BCO2: variants seen among roughly 807,000 people sequenced by gnomAD.
The protein encoded by BCO2 is beta-carotene oxygenase 2, also known as carotenoid-cleaving dioxygenase, mitochondrial.
A neutral mutation model predicts 65.8 loss-of-function variants in BCO2; 56 were observed. The ratio of observed to expected loss-of-function variants is 0.85; its 90% CI spans 0.69 to 1.06. The LOEUF (loss-of-function observed/expected upper bound fraction) is 1.06. BCO2 is among the 50% of genes least tolerant of loss of function. The probability of loss-of-function intolerance (pLI) is 0.00; values close to 1 mark genes in which losing one functional copy is unlikely to be tolerated. For synonymous variants in BCO2, 233 were observed against 242.3 expected (o/e 0.96, Z 0.36); for missense variants, 675 against 698.5 (o/e 0.97, Z 0.38).
chr11:112,215,230 C>A, intron 10 of BCO2: 1 of 391,754 alleles, frequency 2.6e-6, no homozygotes. Context: ...AAGTTGATGG[C>A]AAATTATAGT....
intron 8 of BCO2, 77 bp downstream of exon 8, chr11:112,202,267 G>C: frequency 7.7e-7 from 1 of 1,305,618 alleles, no homozygotes; most frequent in Non-Finnish European, 1.1e-6. Flanking sequence ...GGAATTACAT[G>C]TTTCTCTCTC....
At chr11:112,194,314 A>C in intron 4 of BCO2, 1 of 408,464 alleles carries the variant, frequency 2.4e-6, no homozygotes, top group Non-Finnish European at 4.4e-6. Flanking sequence ...GGTTGTCTAT[A>C]CCTGTATTTC....
In BCO2 at chr11:112,175,688, A is replaced by G. The variant is rs1017741909; in HGVS notation, c.87A>G (p.Pro29=). 7.4e-6 allele frequency: 12 copies of G among 1,611,980 alleles called. No individual in the cohort carries two copies. Among genetic ancestry groups the G allele is most frequent in the Non-Finnish European group, 9.3e-6 (11 of 1,178,168 alleles). The change falls in exon 1 of 12, where the codon CCA becomes CCG. Residue 29 remains proline, a splice_region_variant and synonymous_variant. Transcript: ENST00000357685. ...DFLPVMVHRL[P]VFKRYMGNTP... ...TTCCTGTGATGGTGCACCGGCTCCC[A>G]GGTAGAGGGTTTGCCCCTTTCTCTT...
rs1566789750 is a variant in BCO2 at position 112,202,226 on chromosome 11, A to C, written c.1194+36A>C. ...GAATTTGTCAAGAGTCATCAAAATA[A>C]TTTTGAACTCCAAGATCTGGCTTTG... is the stretch of plus-strand genomic sequence containing the variant. On this transcript the variant is annotated intron_variant, in intron 8 of 11. Coordinates refer to ENST00000357685, the MANE Select transcript of BCO2 (RefSeq NM_031938.7). 3 of 1,563,548 alleles carry C rather than the reference A, an allele frequency of 1.9e-6. No individual in the cohort carries two copies. In the South Asian group the frequency reaches 3.5e-5, roughly 18 times the overall value.
intron 5 of BCO2, among the ~76,000 whole-genome samples, chr11:112,197,496 C>A (rs11214126): frequency 6.6e-6 from 1 of 150,892 alleles, no homozygotes; most frequent in Non-Finnish European, 1.5e-5. Flanking sequence ...TGCAGTGAGT[C>A]GTGACTGCAC....
In BCO2 at chr11:112,194,691, T is replaced by G. The variant is rs1344339729; in HGVS notation, c.672T>G (p.Thr224=). Residue 224 remains threonine, a synonymous_variant, in exon 5 of 12, where the codon ACT becomes ACG. Coordinates refer to ENST00000357685, the MANE Select transcript of BCO2 (RefSeq NM_031938.7). ...WSKFIAVNGA[T]AHPHYDLDGT... is the part of the protein sequence containing the mutation. Reference sequence around the variant, plus strand: ...AATTTATTGCTGTGAATGGAGCAACTGCACATCCTCATTATGACCTGGATG... The same window carrying G: ...AATTTATTGCTGTGAATGGAGCAACGGCACATCCTCATTATGACCTGGATG... 6.2e-7 allele frequency: 1 copy of G among 1,613,512 alleles called. No homozygotes were observed.
At chr11:112,212,763 A>T (rs1417482962) in intron 8 of BCO2, among the ~76,000 whole-genome samples, 1 of 152,224 alleles carries the variant, frequency 6.6e-6, no homozygotes, top group Non-Finnish European at 1.5e-5. Flanking sequence ...CCCCTACATG[A>T]TGACCCTCAG....
At chr11:112,216,136 A>C (rs955069889) in intron 10 of BCO2, 84 bp from the exon 11 acceptor site, 1 of 910,570 alleles carries the variant, frequency 1.1e-6, no homozygotes, top group Admixed American at 1.9e-5. Flanking sequence ...TCACAGCCAA[A>C]TTCATGCTTG....
chr11:112,188,922 C>T (rs1052851722), intron 2 of BCO2, among the ~76,000 whole-genome samples: 4 of 152,074 alleles, frequency 2.6e-5, no homozygotes, highest in African/African-American at 9.7e-5. Context: ...TCTCTTGAGA[C>T]ACAATCTAAC....
intron 5 of BCO2, among the ~76,000 whole-genome samples, chr11:112,198,507 TAAAC>T (rs1566785359): frequency 1.3e-5 from 2 of 151,918 alleles, no homozygotes; most frequent in African/African-American, 2.4e-5. Context: ...GGAAAGCAGA[TAAAC>T]AAGCAGAAAA....
chr11:112,193,833 C>T (rs1428114768), intron 3 of BCO2, 46 bp from the exon 4 acceptor site: 2 of 1,465,400 alleles, frequency 1.4e-6, no homozygotes, highest in Non-Finnish European at 1.9e-6. Context: ...TTAGCGTCGT[C>T]TACAGTAAGC....
rs1404576614 is a variant in BCO2, at chr11:112,200,748, A to C, written c.1001A>C (p.His334Pro). 6.2e-7 allele frequency: 1 copy of C among 1,613,828 alleles called. No homozygotes were observed. Among genetic ancestry groups the C allele is most frequent in the East Asian group, 2.2e-5 (1 of 44,876 alleles). ...GAACCCCAGTGTAATACGCGGTTTC[A>C]TGTGGTGGAAAAACGCACTGGACAG... Reference protein sequence around the residue: ...SWEPQCNTRFHVVEKRTGQLL... With the variant: ...SWEPQCNTRFPVVEKRTGQLL... The change falls in exon 7 of 12, where the codon CAT becomes CCT. Residue 334 changes from histidine (H) to proline (P), a missense_variant. Physicochemically the swap from His to Pro is moderately conservative, Grantham distance 77. Coordinates refer to ENST00000357685, the MANE Select transcript of BCO2 (RefSeq NM_031938.7).
At chr11:112,190,233 A>G (rs1849230855) in intron 2 of BCO2, among the ~76,000 whole-genome samples, 1 of 152,166 alleles carries the variant, frequency 6.6e-6, no homozygotes, top group Non-Finnish European at 1.5e-5. Context: ...GCAGTGAGCT[A>G]TGACAGTGCC....
At chr11:112,189,138 C>G (rs2135361573) in intron 2 of BCO2, among the ~76,000 whole-genome samples, 1 of 152,226 alleles carries the variant, frequency 6.6e-6, no homozygotes, top group East Asian at 1.9e-4. Flanking sequence ...GGCCTTTATG[C>G]AAATACATTT....
At position 112,218,608 on chromosome 11, in the gene BCO2, G is replaced by T; in HGVS notation, c.*734G>T. On this transcript the variant is annotated 3_prime_UTR_variant, in exon 12 of 12. Coordinates refer to ENST00000357685, the MANE Select transcript of BCO2 (RefSeq NM_031938.7). Reference sequence around the variant, plus strand: ...GGAATGGGTAGGCCTCTGTAAAACTGAGAGGGAAACCCCCGAAAAGTGGTT... The same window carrying T: ...GGAATGGGTAGGCCTCTGTAAAACTTAGAGGGAAACCCCCGAAAAGTGGTT... 1 of 218,544 alleles carries T rather than the reference G, an allele frequency of 4.6e-6. No individual in the cohort carries two copies. The highest frequency in any genetic ancestry group is 7.7e-5 in the South Asian group (1 of 12,928). The allele number at this position is 218,544 out of a possible 1,614,324, so 13.5% of individuals were successfully genotyped here.
At chr11:112,201,390 C>T (rs1435673081) in intron 7 of BCO2, among the ~76,000 whole-genome samples, 3 of 152,078 alleles carry the variant, frequency 2.0e-5, no homozygotes, top group Admixed American at 1.3e-4. Context: ...CCTCGTGATC[C>T]ACCTGCCTCA....
At chr11:112,181,629 A>T in intron 2 of BCO2, 1 of 796,994 alleles carries the variant, frequency 1.3e-6, no homozygotes, top group Non-Finnish European at 2.3e-6. Context: ...TGAACACCTA[A>T]AAGTGGCAAT....
chr11:112,201,751 A>G (rs1006543380), intron 7 of BCO2, among the ~76,000 whole-genome samples: 2 of 152,226 alleles, frequency 1.3e-5, no homozygotes, highest in African/African-American at 2.4e-5. Context: ...ACATTGGGCT[A>G]TATTTCATGA....
rs373702855 is a variant in BCO2 at position 112,186,946 on chromosome 11, T to C, written c.294-6528T>C. On this transcript the variant is annotated intron_variant, in intron 2 of 11. Coordinates refer to ENST00000357685, the MANE Select transcript of BCO2 (RefSeq NM_031938.7). ...TCTCTAGACAGGATTTCAGGATCCA[T>C]AGTCTAGGCTCCCAGTTCCTGGACT... Among the ~76,000 whole-genome samples, 355 of 152,324 alleles carry C rather than the reference T, an allele frequency of 2.3e-3. 2 individuals carry two copies. The highest frequency in any genetic ancestry group is 3.0e-3 in the African/African-American group (125 of 41,574).
Sources: gnomAD v4.1 joint callset for allele counts (sites outside exome capture counted in the v4.1 genomes callset) on GRCh38, gnomAD v4.1.1 for gene constraint, MANE v1.5 for transcripts, NCBI Gene and HGNC (gene_info 2026-07-23, HGNC 2026-07-21) for gene names.